Variants in DENND4C observed in about 807,000 individuals in gnomAD.
The protein encoded by DENND4C is DENN domain containing 4C.
Under a neutral mutation model 203.0 loss-of-function variants are expected in DENND4C, and 108 were observed. The ratio of observed to expected loss-of-function variants is 0.53; its 90% CI spans 0.46 to 0.62. The LOEUF (loss-of-function observed/expected upper bound fraction) is 0.62, where lower values mean the gene tolerates loss of function less well. DENND4C is among the 20% of genes least tolerant of loss of function. The pLI is 0.00. For missense variants in DENND4C, 2,481 were observed against 2,301.2 expected, an observed-to-expected ratio of 1.08 and a Z score of -1.60; for synonymous variants, 871 against 792.4, an observed-to-expected ratio of 1.10 and a Z score of -1.67.
intron 2 of DENND4C, among the ~76,000 whole-genome samples, chr9:19,276,862 G>A (rs181805697): frequency 6.6e-6 from 1 of 152,188 alleles, no homozygotes; most frequent in Admixed American, 6.5e-5. Context: ...GAGTTTTTGT[G>A]AAGACCTGTA....
intron 30 of DENND4C, among the ~76,000 whole-genome samples, chr9:19,362,392 A>C (rs1182076841): frequency 6.6e-6 from 1 of 152,216 alleles, no homozygotes; most frequent in East Asian, 1.9e-4. Flanking sequence ...TCCATACTGT[A>C]GGATATTGTT....
chr9:19,277,015 T>C (rs1833015916), intron 2 of DENND4C, among the ~76,000 whole-genome samples: 1 of 151,982 alleles, frequency 6.6e-6, no homozygotes, highest in Non-Finnish European at 1.5e-5. Flanking sequence ...ACATTCTTTT[T>C]TGTAAATGCC....
intron 15 of DENND4C, among the ~76,000 whole-genome samples, chr9:19,327,659 C>G (rs1469799100): frequency 6.6e-6 from 1 of 151,348 alleles, no homozygotes. Context: ...TTTTAAATAC[C>G]TATGCAAGGT....
chr9:19,280,406 A>G (rs1280016945), intron 2 of DENND4C, among the ~76,000 whole-genome samples: 1 of 152,070 alleles, frequency 6.6e-6, no homozygotes, highest in African/African-American at 2.4e-5. Flanking sequence ...CTGCCTCCCA[A>G]AGTGTTGAGG....
Position 19,276,392 on chromosome 9 carries a change from C to G in DENND4C, c.218C>G (p.Ala73Gly). The change falls in exon 2 of 33, where the codon GCA (alanine) becomes GGA (glycine). Residue 73 changes from alanine to glycine, a missense_variant. Physicochemically the swap from Ala to Gly is moderately conservative, Grantham distance 60. Around this residue, in one of 3 missense-constraint regions of DENND4C, gnomAD observed 187 missense variants for 167.4 expected, o/e 1.12. Coordinates refer to ENST00000434457, the MANE Select transcript of DENND4C (RefSeq NM_001330640.2). ...GAAGCCACTCCATCAGCTCTCCAAG[C>G]AAACTTGAACTATGGAAGTCTGAAA... Reference protein sequence around the residue: ...CVEATPSALQANLNYGSLKSP... With the variant: ...CVEATPSALQGNLNYGSLKSP... 4.1e-6 allele frequency: 5 copies of G among 1,232,006 alleles called. No individual in the cohort carries two copies. The highest frequency in any genetic ancestry group is 5.1e-6 in the Non-Finnish European group (5 of 987,910). 76.3% of individuals were successfully genotyped at this position (1,232,006 alleles called of 1,614,324 possible).
intron 18 of DENND4C, among the ~76,000 whole-genome samples, chr9:19,335,653 T>C (rs997295872): frequency 6.6e-6 from 1 of 152,186 alleles, no homozygotes; most frequent in Non-Finnish European, 1.5e-5. Flanking sequence ...TAATGTCCTC[T>C]GGGTTCATTC....
intron 29 of DENND4C, 29 bp downstream of exon 29, chr9:19,360,518 A>G: frequency 6.2e-7 from 1 of 1,613,222 alleles, no homozygotes; most frequent in East Asian, 2.2e-5. Flanking sequence ...TACTTACATT[A>G]GTATTCAGTA....
At position 19,290,895 on chromosome 9, in the gene DENND4C, G is replaced by A. The variant is rs759989341; in HGVS notation, c.801+19G>A. ...CAAAAAGGTATGTTTTTGTCTCATT[G>A]ATTAAACACATTTTGTCCATGTTTT... is the stretch of plus-strand genomic sequence containing the variant. On this transcript the variant is annotated intron_variant, in intron 5 of 32. Transcript: ENST00000434457. The A allele has an allele frequency of 1.6e-5, 26 of 1,599,088 alleles. No individual in the cohort carries two copies. The highest frequency in any genetic ancestry group is 2.2e-5 in the Non-Finnish European group (26 of 1,171,444).
In DENND4C at chr9:19,298,129, A is replaced by C; in HGVS notation, c.1107+7A>C. 3 of 1,606,064 alleles carry C rather than the reference A, an allele frequency of 1.9e-6. No homozygotes were observed. Among genetic ancestry groups the C allele is most frequent in the Non-Finnish European group, 2.6e-6 (3 of 1,175,294 alleles). ...ACCGAGAATCCTTGTCCAGGTAATC[A>C]AAAGAGAGTATATTTGGGGAGAACT... On this transcript the variant is annotated splice_region_variant and intron_variant, in intron 7 of 32. Transcript: ENST00000434457.
At chr9:19,342,394 A>G (rs1821860387) in intron 21 of DENND4C, among the ~76,000 whole-genome samples, 1 of 152,200 alleles carries the variant, frequency 6.6e-6, no homozygotes, top group South Asian at 2.1e-4. Context: ...TAATTGATTC[A>G]CTAAAGAACA....
chr9:19,246,845 A>G lies in DENND4C; in HGVS notation c.-18+16012A>G, dbSNP rs574508527. Among the ~76,000 whole-genome samples the G allele has an allele frequency of 9.9e-5, 15 of 152,272 alleles. 1 individual carries two copies. Among genetic ancestry groups the G allele is most frequent in the African/African-American group, 2.4e-4 (10 of 41,550 alleles). ...TATAACTCTTAATTCTCTAACTTCA[A>G]TAGGGATGGCAAAAGGAAAAAAACA... On this transcript the variant is annotated intron_variant, in intron 1 of 32. Coordinates refer to ENST00000434457, the MANE Select transcript of DENND4C (RefSeq NM_001330640.2).
intron 1 of DENND4C, among the ~76,000 whole-genome samples, chr9:19,271,808 G>C (rs1419561662): frequency 1.3e-5 from 2 of 151,292 alleles, no homozygotes; most frequent in Admixed American, 1.3e-4. Flanking sequence ...AACGAAGGTT[G>C]CGTTGAGTTG....
At chr9:19,355,871 T>C (rs1304334473) in intron 26 of DENND4C, among the ~76,000 whole-genome samples, 1 of 152,210 alleles carries the variant, frequency 6.6e-6, no homozygotes, top group Non-Finnish European at 1.5e-5. Context: ...GAGCCTGGTA[T>C]ATCTCTGTAT....
intron 9 of DENND4C, among the ~76,000 whole-genome samples, chr9:19,302,224 G>A (rs922003718): frequency 8.6e-5 from 13 of 152,046 alleles, no homozygotes; most frequent in African/African-American, 3.1e-4. Flanking sequence ...TGAAAAGAAT[G>A]GTTACAAAAC....
chr9:19,276,303 T>G lies in DENND4C; in HGVS notation c.129T>G (p.Ile43Met), dbSNP rs1400760879. The change falls in exon 2 of 33, where the codon ATT (isoleucine) becomes ATG (methionine). Residue 43 changes from isoleucine (I) to methionine (M), a missense_variant. Coordinates refer to ENST00000434457, the MANE Select transcript of DENND4C (RefSeq NM_001330640.2). ...AGTCAACTGGACCTAAAGCTCCAATTACAGACATTGCCATTATTATCAAAT... is the reference window on the plus strand; with the variant it reads ...AGTCAACTGGACCTAAAGCTCCAATGACAGACATTGCCATTATTATCAAAT... The part of the protein sequence containing the change: ...DTKSTGPKAP[I>M]TDIAIIIKSA... 4.9e-6 allele frequency: 6 copies of G among 1,231,952 alleles called. No individual in the cohort carries two copies. The highest frequency in any genetic ancestry group is 6.1e-6 in the Non-Finnish European group (6 of 987,940). The allele number at this position is 1,231,952 out of a possible 1,614,324, so 76.3% of individuals were successfully genotyped here. A position where few individuals can be genotyped will look rare whatever the true frequency, so the allele number is the denominator to read the frequency against.
At chr9:19,272,257 C>G (rs112406963) in intron 1 of DENND4C, among the ~76,000 whole-genome samples, 7,910 of 151,540 alleles carry the variant, frequency 0.052, 330 homozygotes, top group East Asian at 0.25. Context: ...CTGGTCTCTA[C>G]AAAAAATACA....
In DENND4C at chr9:19,346,797, A is replaced by G. The variant is rs138264244; in HGVS notation, c.4028A>G (p.Glu1343Gly). The G allele has an allele frequency of 2.2e-5, 36 of 1,614,064 alleles. No individual in the cohort carries two copies. In the African/African-American group the frequency reaches 3.6e-4, roughly 16 times the overall value. The change falls in exon 23 of 33, where the codon GAA (glutamate) becomes GGA (glycine). Residue 1343 changes from glutamate (E) to glycine (G), a missense_variant. Around this residue, in one of 3 missense-constraint regions of DENND4C, gnomAD observed 2,289 missense variants for 2,113.3 expected, o/e 1.08. Transcript: ENST00000434457. ...CCAGCACAGGAAAATCCTGAAAGTG[A>G]AAAGAGCTCACCTGCAGTGTCCAGG... ...GSPAQENPES[E>G]KSSPAVSRSK... is the part of the protein sequence containing the mutation.
intron 2 of DENND4C, among the ~76,000 whole-genome samples, chr9:19,282,998 C>A (rs974523415): frequency 1.3e-5 from 2 of 151,878 alleles, no homozygotes; most frequent in East Asian, 1.9e-4. Flanking sequence ...GAATTACAGG[C>A]GTGAGCCACC....
At chr9:19,371,265 G>C (rs1160455164) in intron 31 of DENND4C, 2 of 152,618 alleles carry the variant, frequency 1.3e-5, no homozygotes, top group Non-Finnish European at 2.9e-5. Context: ...TTTGCTATTG[G>C]GTTAAATAGT....
Sources: allele counts gnomAD v4.1 joint callset (sites outside exome capture counted in the v4.1 genomes callset), GRCh38; gene constraint gnomAD v4.1.1; regional missense constraint gnomAD v4.1.1; transcripts MANE v1.5; gene names NCBI Gene and HGNC (gene_info 2026-07-23, HGNC 2026-07-21).